Variants in KATNIP observed in about 807,000 individuals in gnomAD.
The protein encoded by KATNIP is katanin interacting protein.
Under a neutral mutation model 174.0 loss-of-function variants are expected in KATNIP, and 126 were observed. That is an observed-to-expected ratio of 0.72 (90% CI 0.63 to 0.84). The LOEUF is 0.84. Among genes scored for constraint, KATNIP ranks in the 40% least tolerant of loss-of-function variants. The pLI is 0.00. For missense variants in KATNIP, 1,958 were observed against 2,109.7 expected (o/e 0.93, Z 1.41); for synonymous variants, 810 against 835.7 (o/e 0.97, Z 0.53).
In KATNIP at chr16:27,749,561, C is replaced by T. The variant is rs774526429; in HGVS notation, c.2624-23C>T. The T allele has an allele frequency of 1.8e-5, 27 of 1,519,918 alleles. 1 individual carries two copies. In the South Asian group the frequency reaches 3.1e-4, roughly 17 times the overall value. The allele number at this position is 1,519,918 out of a possible 1,614,324, so 94.2% of individuals were successfully genotyped here. Reference sequence around the variant, plus strand: ...ACACATGCCACTCACAGGGCTTCCCCCCTCTTGTGTCCTTTCTTCCAGAAG... The same window carrying T: ...ACACATGCCACTCACAGGGCTTCCCTCCTCTTGTGTCCTTTCTTCCAGAAG... On this transcript the variant is annotated intron_variant, in intron 15 of 27. Coordinates refer to ENST00000261588, the MANE Select transcript of KATNIP (RefSeq NM_015202.5).
chr16:27,708,443 T>A (rs2079421357), intron 12 of KATNIP: 1 of 422,158 alleles, frequency 2.4e-6, no homozygotes, highest in African/African-American at 2.0e-5. Context: ...TAGACATTTT[T>A]ATTTATTTGT....
intron 1 of KATNIP, 63 bp from the exon 2 acceptor site, chr16:27,573,838 G>A: frequency 1.3e-6 from 2 of 1,486,300 alleles, no homozygotes; most frequent in Non-Finnish European, 1.9e-6. Context: ...AAAATCTTTT[G>A]TGTTGATAAA....
At chr16:27,709,115 T>C (rs1175786143) in intron 13 of KATNIP, 195 bp downstream of exon 13, 2 of 520,898 alleles carry the variant, frequency 3.8e-6, no homozygotes, top group Non-Finnish European at 6.8e-6. Flanking sequence ...GGTCAGGAGT[T>C]CAAGACCAGC....
chr16:27,586,686 A>T (rs1470109609), intron 2 of KATNIP, among the ~76,000 whole-genome samples: 1 of 152,014 alleles, frequency 6.6e-6, no homozygotes, highest in Non-Finnish European at 1.5e-5. Flanking sequence ...AAAATGAGCC[A>T]GGCACAGTGT....
chr16:27,684,280 G>A (rs2078447640), intron 8 of KATNIP, among the ~76,000 whole-genome samples: 1 of 152,202 alleles, frequency 6.6e-6, no homozygotes, highest in African/African-American at 2.4e-5. Flanking sequence ...CAGCCTGTAA[G>A]TGATGAAGCC....
At chr16:27,772,782 G>A (rs1235439339) in intron 22 of KATNIP, among the ~76,000 whole-genome samples, 8 of 151,960 alleles carry the variant, frequency 5.3e-5, no homozygotes, top group African/African-American at 9.7e-5. Flanking sequence ...CTCTCCTCCC[G>A]TCCTGTCTCC....
chr16:27,606,362 CTA>C (rs1029077632), intron 2 of KATNIP, among the ~76,000 whole-genome samples: 1 of 152,062 alleles, frequency 6.6e-6, no homozygotes, highest in Admixed American at 6.6e-5. Context: ...ATTTAGTCCT[CTA>C]TGAAATGCTT....
intron 2 of KATNIP, among the ~76,000 whole-genome samples, chr16:27,605,733 CTT>C (rs371620556): frequency 1.4e-4 from 21 of 152,140 alleles, no homozygotes; most frequent in Non-Finnish European, 2.5e-4. Flanking sequence ...TGCTTTAGGT[CTT>C]TGTTGCTTGG....
chr16:27,565,803 A>C (rs1330775915), intron 1 of KATNIP, among the ~76,000 whole-genome samples: 1 of 143,272 alleles, frequency 7.0e-6, no homozygotes, highest in Non-Finnish European at 1.5e-5. Flanking sequence ...ACAAAAAAAC[A>C]AAAAAAAAAA....
At chr16:27,730,312 A>G (rs542418012) in intron 14 of KATNIP, among the ~76,000 whole-genome samples, 4 of 152,334 alleles carry the variant, frequency 2.6e-5, no homozygotes, top group Admixed American at 2.6e-4. Context: ...GCATGAAAAT[A>G]TGAATTTTTT....
chr16:27,682,507 C>A (rs2078383185), intron 8 of KATNIP, among the ~76,000 whole-genome samples: 1 of 152,026 alleles, frequency 6.6e-6, no homozygotes, highest in African/African-American at 2.4e-5. Flanking sequence ...AGGAAGAGAC[C>A]AGGTGGTTCA....
chr16:27,575,229 G>T (rs2090456994), intron 2 of KATNIP, among the ~76,000 whole-genome samples: 1 of 152,186 alleles, frequency 6.6e-6, no homozygotes, highest in South Asian at 2.1e-4. Flanking sequence ...TGATGTGCAG[G>T]CTACTTCTTG....
chr16:27,613,897 T>G (rs2075968288), intron 2 of KATNIP, among the ~76,000 whole-genome samples: 1 of 152,046 alleles, frequency 6.6e-6, no homozygotes, highest in South Asian at 2.1e-4. Flanking sequence ...CCAGGAAAGC[T>G]AGTTTGTTTT....
rs76918806 is a variant in KATNIP, at chr16:27,767,117, C to A, written c.3975+643C>A. ...GGCCTCAGGTGACTGAATGGGTGCC[C>A]TCCAGTCATGTAAAAGTGACAATGA... On this transcript the variant is annotated intron_variant, in intron 20 of 27. Transcript: ENST00000261588. Among the ~76,000 whole-genome samples, 5 of 152,170 alleles carry A rather than the reference C, an allele frequency of 3.3e-5. No homozygotes were observed. In the East Asian group the frequency reaches 9.7e-4, roughly 29 times the overall value.
chr16:27,767,931 G>C (rs754253773), intron 20 of KATNIP, among the ~76,000 whole-genome samples: 12 of 152,206 alleles, frequency 7.9e-5, no homozygotes, highest in Admixed American at 1.3e-4. Context: ...TCTGCCTCAA[G>C]TTGTGCCTTT....
chr16:27,606,530 C>T (rs1011459362), intron 2 of KATNIP, among the ~76,000 whole-genome samples: 1 of 151,820 alleles, frequency 6.6e-6, no homozygotes, highest in African/African-American at 2.4e-5. Context: ...CACACACATA[C>T]ACACACACTT....
intron 1 of KATNIP, among the ~76,000 whole-genome samples, chr16:27,569,150 C>T (rs1276367413): frequency 2.0e-5 from 3 of 152,138 alleles, no homozygotes; most frequent in Non-Finnish European, 4.4e-5. Context: ...CTGTACTTTA[C>T]GGGTTGTTTA....
intron 14 of KATNIP, among the ~76,000 whole-genome samples, chr16:27,733,949 G>T (rs867346745): frequency 6.6e-6 from 1 of 152,076 alleles, no homozygotes; most frequent in African/African-American, 2.4e-5. Context: ...CGGTATATAC[G>T]TAAATATGTA....
rs376079323 is a variant in KATNIP at position 27,777,725 on chromosome 16, C to G, written c.4667C>G (p.Thr1556Ser). Residue 1556 changes from threonine to serine, a missense_variant, in exon 26 of 28, where the codon ACC (threonine) becomes AGC (serine). Physicochemically the swap from Thr to Ser is moderately conservative, Grantham distance 58 (BLOSUM62 1). Coordinates refer to ENST00000261588, the MANE Select transcript of KATNIP (RefSeq NM_015202.5). This position sits in a 1 kb window ranked among gnomAD's most constrained non-coding sequence, Gnocchi z 4.4. ...PTVPYHTILF[T>S]EDRDIRHQEK... ...GTGCCCTACCACACCATCCTCTTCA[C>G]CGAGGACAGGGACATCCGCCACCAG... 5 of 1,614,016 alleles carry G rather than the reference C, an allele frequency of 3.1e-6. No individual in the cohort carries two copies. In the African/African-American group the frequency reaches 6.7e-5, roughly 22 times the overall value.
Sources: allele counts gnomAD v4.1 joint callset (sites outside exome capture counted in the v4.1 genomes callset), GRCh38; gene constraint gnomAD v4.1.1; non-coding constraint Gnocchi (gnomAD v3.1); transcripts MANE v1.5; gene names NCBI Gene and HGNC (gene_info 2026-07-23, HGNC 2026-07-21).